The following STX8 variants were observed in gnomAD, a reference collection of about 807,000 sequenced individuals.
STX8 encodes syntaxin 8.
STX8 carries 23 observed loss-of-function variants against 37.5 expected under a neutral mutation model. The ratio of observed to expected loss-of-function variants is 0.61; its 90% CI spans 0.44 to 0.87. The LOEUF (loss-of-function observed/expected upper bound fraction) is 0.87. Ranked by LOEUF, STX8 falls within the 40% of genes least tolerant of loss-of-function variation. The pLI, the probability that STX8 is intolerant of heterozygous loss-of-function variation, is 0.00. For missense variants in STX8, 313 were observed against 284.7 expected, an observed-to-expected ratio of 1.10 and a Z score of -0.71; for synonymous variants, 115 against 99.1, an observed-to-expected ratio of 1.16 and a Z score of -0.95.
intron 4 of STX8, among the ~76,000 whole-genome samples, chr17:9,520,135 A>G (rs1160089518): frequency 6.6e-6 from 1 of 152,232 alleles, no homozygotes; most frequent in South Asian, 2.1e-4. Flanking sequence ...GTAAATGTTT[A>G]TGAACCAGAA....
chr17:9,334,031 A>G (rs1910057175), intron 7 of STX8, among the ~76,000 whole-genome samples: 1 of 150,348 alleles, frequency 6.7e-6, no homozygotes, highest in African/African-American at 2.4e-5. Context: ...TTAAAAAACA[A>G]TTTGGTGGGA....
At chr17:9,393,990 T>G (rs1002859617) in intron 6 of STX8, among the ~76,000 whole-genome samples, 10 of 151,918 alleles carry the variant, frequency 6.6e-5, no homozygotes, top group African/African-American at 1.9e-4. Flanking sequence ...AATTTAAGAA[T>G]TAAAATTTAA....
intron 6 of STX8, among the ~76,000 whole-genome samples, chr17:9,453,186 T>C (rs184767248): frequency 5.2e-4 from 79 of 152,264 alleles, no homozygotes; most frequent in Non-Finnish European, 7.1e-4. Context: ...GAAAGGTTAA[T>C]TTCCTATGAC....
chr17:9,441,170 A>G (rs1046965359), intron 6 of STX8, among the ~76,000 whole-genome samples: 11 of 152,164 alleles, frequency 7.2e-5, no homozygotes, highest in African/African-American at 2.4e-4. Flanking sequence ...ATGCAAAAAG[A>G]TTAAAATGAG....
chr17:9,369,352 C>T (rs752485550), intron 7 of STX8, among the ~76,000 whole-genome samples: 11 of 152,074 alleles, frequency 7.2e-5, no homozygotes, highest in Non-Finnish European at 1.3e-4. Context: ...CTCAATGAAC[C>T]ATGATAAGGG....
At chr17:9,463,278 A>G (rs1362212018) in intron 6 of STX8, among the ~76,000 whole-genome samples, 2 of 152,204 alleles carry the variant, frequency 1.3e-5, no homozygotes, top group African/African-American at 4.8e-5. Context: ...TATTAAATAC[A>G]ATAATTTACG....
intron 4 of STX8, among the ~76,000 whole-genome samples, chr17:9,530,839 G>A (rs984015784): frequency 6.6e-6 from 1 of 152,076 alleles, no homozygotes; most frequent in Non-Finnish European, 1.5e-5. Flanking sequence ...CTTATCACTT[G>A]TTTCCTTTAT....
intron 5 of STX8, among the ~76,000 whole-genome samples, chr17:9,497,318 T>C (rs1205245592): frequency 2.0e-5 from 3 of 152,192 alleles, no homozygotes; most frequent in Non-Finnish European, 4.4e-5. Flanking sequence ...GAGTATTTGA[T>C]TAGATTCAGG....
chr17:9,444,896 G>C (rs1001569488), intron 6 of STX8, among the ~76,000 whole-genome samples: 1 of 152,150 alleles, frequency 6.6e-6, no homozygotes, highest in Non-Finnish European at 1.5e-5. Context: ...TGTTACAGAG[G>C]GGTCCAGCTC....
intron 7 of STX8, among the ~76,000 whole-genome samples, chr17:9,278,465 AT>A (rs1310179551): frequency 6.6e-6 from 1 of 152,076 alleles, no homozygotes; most frequent in African/African-American, 2.4e-5. Flanking sequence ...AAAAAAAAAA[AT>A]AGAAACATAC....
At chr17:9,471,300 C>T (rs1905856756) in intron 6 of STX8, among the ~76,000 whole-genome samples, 1 of 151,576 alleles carries the variant, frequency 6.6e-6, no homozygotes, top group African/African-American at 2.4e-5. Context: ...TACAGGCGCC[C>T]GCCATCACAC....
At chr17:9,258,531 G>A (rs980605759) in intron 7 of STX8, among the ~76,000 whole-genome samples, 1 of 152,220 alleles carries the variant, frequency 6.6e-6, no homozygotes, top group East Asian at 1.9e-4. Flanking sequence ...CTGCTCAGCT[G>A]CGCCAGGGGA....
intron 6 of STX8, among the ~76,000 whole-genome samples, chr17:9,449,951 T>A (rs1320083437): frequency 6.6e-6 from 1 of 151,704 alleles, no homozygotes; most frequent in Non-Finnish European, 1.5e-5. Context: ...AGGCCCCGTC[T>A]CAAAAATTAA....
chr17:9,574,380 TAAC>T (rs577262860), intron 1 of STX8, among the ~76,000 whole-genome samples: 98 of 150,780 alleles, frequency 6.5e-4, no homozygotes, highest in Admixed American at 1.7e-3. Flanking sequence ...TAGATTAAAA[TAAC>T]AAATTCATTG....
chr17:9,332,797 T>C (rs896799218), intron 7 of STX8, among the ~76,000 whole-genome samples: 4 of 152,194 alleles, frequency 2.6e-5, no homozygotes, highest in African/African-American at 9.7e-5. Context: ...CTCCCCCAAC[T>C]GCAATATAAG....
chr17:9,542,593 T>C (rs952166835), intron 4 of STX8, among the ~76,000 whole-genome samples: 2 of 150,546 alleles, frequency 1.3e-5, no homozygotes, highest in Non-Finnish European at 3.0e-5. Context: ...AGGAGAGTGG[T>C]GTGAACCTGG....
intron 7 of STX8, among the ~76,000 whole-genome samples, chr17:9,352,239 C>G (rs1910730988): frequency 6.6e-6 from 1 of 151,410 alleles, no homozygotes; most frequent in African/African-American, 2.4e-5. Flanking sequence ...AGTTTGATCA[C>G]TTTTTTCAAG....
chr17:9,444,259 G>C (rs1432827529), intron 6 of STX8, among the ~76,000 whole-genome samples: 1 of 152,194 alleles, frequency 6.6e-6, no homozygotes, highest in African/African-American at 2.4e-5. Context: ...AAAGCATTGG[G>C]ATTACAGGCA....
chr17:9,376,414 A>G (rs1229407956), intron 7 of STX8, among the ~76,000 whole-genome samples: 1 of 151,854 alleles, frequency 6.6e-6, no homozygotes, highest in African/African-American at 2.4e-5. Flanking sequence ...CTGTAAAAAT[A>G]GACCAATCAG....
Sources: gnomAD v4.1 joint callset for allele counts (sites outside exome capture counted in the v4.1 genomes callset) on GRCh38, gnomAD v4.1.1 for gene constraint, MANE v1.5 for transcripts, NCBI Gene and HGNC (gene_info 2026-07-23, HGNC 2026-07-21) for gene names.